PSMC1: variants seen among roughly 807,000 people sequenced by gnomAD.
PSMC1 encodes the protein 26S proteasome regulatory subunit 4.
A neutral mutation model predicts 49.8 loss-of-function variants in PSMC1; 5 were observed. That is an observed-to-expected ratio of 0.10 (90% CI 0.05 to 0.21). PSMC1 has a LOEUF of 0.21. PSMC1 is among the 10% of genes least tolerant of loss of function. PSMC1 has a pLI of 1.00. For synonymous variants in PSMC1, 155 were observed against 192.1 expected, an observed-to-expected ratio of 0.81 and a Z score of 1.60; for missense variants, 181 against 535.7, an observed-to-expected ratio of 0.34 and a Z score of 6.54.
intron 7 of PSMC1, among the ~76,000 whole-genome samples, chr14:90,265,413 G>A (rs762874127): frequency 1.7e-3 from 263 of 151,994 alleles, no homozygotes; most frequent in Non-Finnish European, 3.1e-3. Flanking sequence ...GGGCGTGGCC[G>A]GGCGCAGTGG....
rs780203518 is a variant in PSMC1, at chr14:90,272,237, T to C, written c.1189-36T>C. ...AATTCCTTGTTAGAATAAAAATGAG[T>C]ATGTCACTTTCTGAACACACTCTTC... On this transcript the variant is annotated intron_variant, in intron 10 of 10. Transcript: ENST00000261303. The surrounding 1 kb of genome is among the most constrained non-coding windows in gnomAD (Gnocchi z 4.5). 2.5e-6 allele frequency: 4 copies of C among 1,596,772 alleles called. No homozygotes were observed. The highest frequency in any genetic ancestry group is 3.4e-6 in the Non-Finnish European group (4 of 1,175,818).
At chr14:90,269,195 A>T (rs1891596880) in intron 8 of PSMC1, 1 of 566,306 alleles carries the variant, frequency 1.8e-6, no homozygotes, top group Non-Finnish European at 3.1e-6. Context: ...TTAAGTTTCA[A>T]CACATAAATT....
In PSMC1 at chr14:90,272,178, G is replaced by C. The variant is rs555572609; in HGVS notation, c.1189-95G>C. ...CAGAGTGCTGGGATTACAGGTGTGA[G>C]CCACCGCGCCTGGCCTCAGAATAGG... On this transcript the variant is annotated intron_variant, in intron 10 of 10. Coordinates refer to ENST00000261303, the MANE Select transcript of PSMC1 (RefSeq NM_002802.3). The surrounding 1 kb of genome is among the most constrained non-coding windows in gnomAD (Gnocchi z 4.5). 4.0e-5 allele frequency: 57 copies of C among 1,414,870 alleles called. No homozygotes were observed. The highest frequency in any genetic ancestry group is 5.3e-5 in the Non-Finnish European group (55 of 1,037,980). The allele number at this position is 1,414,870 out of a possible 1,614,324, so 87.6% of individuals were successfully genotyped here.
chr14:90,267,860 G>GA (rs1299251367), intron 7 of PSMC1: 3 of 183,008 alleles, frequency 1.6e-5, no homozygotes, highest in East Asian at 3.2e-4. Context: ...CTCAACCAGA[G>GA]AAAAAAATGA....
Position 90,274,004 on chromosome 14 carries a change from G to C in PSMC1, c.*1597G>C, listed in dbSNP as rs570398838. 1.3e-5 allele frequency: 2 copies of C among 154,978 alleles called. No individual in the cohort carries two copies. The highest frequency in any genetic ancestry group is 2.0e-4 in the South Asian group (1 of 4,924). The allele number at this position is 154,978 out of a possible 1,614,324, so 9.6% of individuals were successfully genotyped here. ...AATCTTCTTAATTTTTATCTGCAAAGTTCCTTTTGCCATGTAACATTCACA... is the reference window on the plus strand; with the variant it reads ...AATCTTCTTAATTTTTATCTGCAAACTTCCTTTTGCCATGTAACATTCACA... On this transcript the variant is annotated 3_prime_UTR_variant, in exon 11 of 11. Coordinates refer to ENST00000261303, the MANE Select transcript of PSMC1 (RefSeq NM_002802.3).
chr14:90,270,113 G>A, intron 9 of PSMC1, 85 bp from the exon 10 acceptor site: 1 of 1,420,812 alleles, frequency 7.0e-7, no homozygotes, highest in South Asian at 1.4e-5. Flanking sequence ...AACTTCGTAT[G>A]TAAGGAGATG....
rs1891754343 is a variant in PSMC1, at chr14:90,274,618, G to A, written c.*2211G>A. The stretch of plus-strand genomic sequence containing the variant: ...AGGGAAAGGACAGGATGAACCCAAA[G>A]TCTGTTTTGCCAGAAAGCAAGGGAG... On this transcript the variant is annotated 3_prime_UTR_variant, in exon 11 of 11. Transcript: ENST00000261303. 6.6e-6 allele frequency: 1 copy of A among 152,192 alleles called. No homozygotes were observed. Among genetic ancestry groups the A allele is most frequent in the Admixed American group, 6.5e-5 (1 of 15,276 alleles). The allele number at this position is 152,192 out of a possible 1,614,324, so 9.4% of individuals were successfully genotyped here.
chr14:90,257,710 A>C (rs1047125380), intron 1 of PSMC1, among the ~76,000 whole-genome samples: 1 of 152,042 alleles, frequency 6.6e-6, no homozygotes, highest in Non-Finnish European at 1.5e-5. Context: ...CTCCTGCCTT[A>C]GCCTTCCAAG....
Position 90,256,590 on chromosome 14 carries a change from A to T in PSMC1, c.-8A>T. 6.3e-7 allele frequency: 1 copy of T among 1,589,416 alleles called. No individual in the cohort carries two copies. Among genetic ancestry groups the T allele is most frequent in the Non-Finnish European group, 8.6e-7 (1 of 1,167,802 alleles). ...TCCGGCAGCGGCAGCTCAAGTGGCC[A>T]AGGCAAGATGGTGAGTGACTAAGGG... On this transcript the variant is annotated 5_prime_UTR_variant, in exon 1 of 11. Transcript: ENST00000261303.
chr14:90,270,137 G>C (rs766422698), intron 9 of PSMC1, 61 bp from the exon 10 acceptor site: 156 of 1,584,144 alleles, frequency 9.8e-5, no homozygotes, highest in Non-Finnish European at 1.3e-4. Context: ...TGAGGCCTCT[G>C]AGCCATGGCC....
rs1202276070 is a variant in PSMC1, at chr14:90,273,845, CCAG to C, written c.*1448_*1450del. ...CTGACTCGTGGCACTTCATTTTCCA[CCAG>C]CAGCAGCAGGCCCAGTCCCTCTCTC... On this transcript the variant is annotated 3_prime_UTR_variant, in exon 11 of 11. Transcript: ENST00000261303. 2 of 154,954 alleles carry C rather than the reference CCAG, an allele frequency of 1.3e-5. No homozygotes were observed. The highest frequency in any genetic ancestry group is 2.9e-5 in the Non-Finnish European group (2 of 68,336). 9.6% of individuals were successfully genotyped at this position (154,954 alleles called of 1,614,324 possible). A position where few individuals can be genotyped will look rare whatever the true frequency, so the allele number is the denominator to read the frequency against.
intron 1 of PSMC1, among the ~76,000 whole-genome samples, chr14:90,257,976 T>C (rs1891327929): frequency 6.6e-6 from 1 of 152,218 alleles, no homozygotes; most frequent in Non-Finnish European, 1.5e-5. Context: ...TTACAACAGT[T>C]CCCTCGAGGT....
Position 90,270,235 on chromosome 14 carries a change from T to C in PSMC1, c.1071T>C (p.Asp357=), listed in dbSNP as rs532770063. 3 of 1,613,682 alleles carry C rather than the reference T, an allele frequency of 1.9e-6. No individual in the cohort carries two copies. Among genetic ancestry groups the C allele is most frequent in the African/African-American group, 1.3e-5 (1 of 74,966 alleles). The change falls in exon 10 of 11, where the codon GAT becomes GAC. Residue 357 remains aspartate, a synonymous_variant. Coordinates refer to ENST00000261303, the MANE Select transcript of PSMC1 (RefSeq NM_002802.3). ...GGAAGATTGAGTTCCCCCTGCCTGA[T>C]GAAAAGACGAAGAAGCGCATCTTTC... ...IDRKIEFPLP[D]EKTKKRIFQI...
chr14:90,268,751 A>G (rs2139650362), intron 8 of PSMC1: 1 of 214,868 alleles, frequency 4.7e-6, no homozygotes, highest in Admixed American at 5.4e-5. Context: ...ATGGAAACAG[A>G]ATAAATGATA....
At chr14:90,256,731 C>T in intron 1 of PSMC1, 131 bp downstream of exon 1, 1 of 1,430,450 alleles carries the variant, frequency 7.0e-7, no homozygotes, top group Non-Finnish European at 9.6e-7. Context: ...GCCTGATCTT[C>T]TCGGCGGGTG....
At chr14:90,267,337 T>C (rs1246194635) in intron 7 of PSMC1, 2 of 152,262 alleles carry the variant, frequency 1.3e-5, no homozygotes, top group Non-Finnish European at 2.9e-5. Context: ...ACTTTTTTAA[T>C]AGAGACGGGG....
At chr14:90,260,633 G>A (rs1595039883) in intron 3 of PSMC1, among the ~76,000 whole-genome samples, 2 of 152,318 alleles carry the variant, frequency 1.3e-5, no homozygotes, top group African/African-American at 4.8e-5. Flanking sequence ...TTGGGAGGCT[G>A]AGGCAGGAGA....
In PSMC1 at chr14:90,263,341, T is replaced by C. The variant is rs1330883664; in HGVS notation, c.178T>C (p.Leu60=). The C allele has an allele frequency of 1.9e-6, 3 of 1,595,368 alleles. No homozygotes were observed. In the East Asian group the frequency reaches 6.7e-5, roughly 36 times the overall value. Residue 60 remains leucine, a synonymous_variant, in exon 4 of 11, where the codon TTA becomes CTA. Transcript: ENST00000261303. ...AGTGACACCTCACACTCAGTGCCGG[T>C]TAAAATTACTGAAGTTAGAGAGAAT... The part of the protein sequence containing the change: ...PLVTPHTQCR[L]KLLKLERIKD...
intron 8 of PSMC1, 116 bp from the exon 9 acceptor site, chr14:90,269,281 G>A: frequency 1.1e-6 from 1 of 872,148 alleles, no homozygotes; most frequent in South Asian, 1.8e-5. Context: ...AGTGCCATGT[G>A]AGTTGAAACA....
Sources: allele counts gnomAD v4.1 joint callset (sites outside exome capture counted in the v4.1 genomes callset), GRCh38; gene constraint gnomAD v4.1.1; non-coding constraint Gnocchi (gnomAD v3.1); transcripts MANE v1.5; gene names NCBI Gene and HGNC (gene_info 2026-07-23, HGNC 2026-07-21).